ALKBH6: variants seen among roughly 807,000 people sequenced by gnomAD.
The protein encoded by ALKBH6 is probable RNA/DNA demethylase ALKBH6.
ALKBH6 carries 20 observed loss-of-function variants against 25.1 expected under a neutral mutation model. The observed-to-expected ratio is 0.80, with a 90% CI of 0.56 to 1.16. ALKBH6 has a LOEUF of 1.16. Ranked by LOEUF, ALKBH6 falls within the 50% of genes most tolerant of loss-of-function variation. The pLI, the probability that ALKBH6 is intolerant of heterozygous loss-of-function variation, is 0.00. For missense variants in ALKBH6, 263 were observed against 326.5 expected, an observed-to-expected ratio of 0.81 and a Z score of 1.50; for synonymous variants, 156 against 147.5, an observed-to-expected ratio of 1.06 and a Z score of -0.42.
intron 3 of ALKBH6, 187 bp downstream of exon 3, chr19:36,012,834 T>C (rs1968649494): frequency 1.6e-6 from 1 of 620,394 alleles, no homozygotes. Context: ...AGCCTATGTT[T>C]ATAACCCCCT....
chr19:36,012,095 G>A (rs1968626286), intron 3 of ALKBH6: 1 of 152,348 alleles, frequency 6.6e-6, no homozygotes, highest in Non-Finnish European at 1.5e-5. Flanking sequence ...AGGAGGCGGA[G>A]GCTACAGTGA....
chr19:36,013,926 A>C lies in ALKBH6; in HGVS notation c.-26+249T>G. 1 of 1,349,486 alleles carries C rather than the reference A, an allele frequency of 7.4e-7. No homozygotes were observed. Among genetic ancestry groups the C allele is most frequent in the East Asian group, 3.2e-5 (1 of 30,928 alleles). 83.6% of individuals were successfully genotyped at this position (1,349,486 alleles called of 1,614,324 possible). ...ACATGTCCACCCTCAGCCTCCTCGG[A>C]TCCCCCCATTTGGACGCCCCTCGGA... On this transcript the variant is annotated intron_variant, in intron 1 of 6. Coordinates refer to ENST00000378875, the MANE Select transcript of ALKBH6 (RefSeq NM_032878.5). This position sits in a 1 kb window ranked among gnomAD's most constrained non-coding sequence, Gnocchi z 4.6.
chr19:36,011,029 G>A lies in ALKBH6; in HGVS notation c.201C>T (p.Pro67=). Residue 67 remains proline, a synonymous_variant, in exon 5 of 7, where the codon CCC becomes CCT. Transcript: ENST00000378875. Reference sequence around the variant, plus strand: ...GCAGCCGCTCAGGAACCATCCCTCGGGGATGAGGAAGCCCACCTGGGGAAG... The same window carrying A: ...GCAGCCGCTCAGGAACCATCCCTCGAGGATGAGGAAGCCCACCTGGGGAAG... ...KLQNWGGLPH[P]RGMVPERLPP... is the part of the protein sequence containing the mutation. 6.2e-7 allele frequency: 1 copy of A among 1,609,640 alleles called. No individual in the cohort carries two copies. The highest frequency in any genetic ancestry group is 8.5e-7 in the Non-Finnish European group (1 of 1,177,982).
chr19:36,009,607 G>A, intron 6 of ALKBH6, 54 bp from the exon 7 acceptor site: 1 of 915,430 alleles, frequency 1.1e-6, no homozygotes, highest in Non-Finnish European at 1.4e-6. Flanking sequence ...GGTGGGGGTG[G>A]GCGAGAGGTC....
chr19:36,014,223 CT>C (rs759710185), upstream of ALKBH6: 1 of 1,612,910 alleles, frequency 6.2e-7, no homozygotes, highest in East Asian at 2.2e-5. Flanking sequence ...CCCCATCCCC[CT>C]CCCAGCCATT....
In ALKBH6 at chr19:36,011,031, G is replaced by A; in HGVS notation, c.199C>T (p.Pro67Ser). 3.1e-6 allele frequency: 5 copies of A among 1,608,954 alleles called. No homozygotes were observed. The highest frequency in any genetic ancestry group is 4.2e-6 in the Non-Finnish European group (5 of 1,177,602). Residue 67 changes from proline to serine, a missense_variant, in exon 5 of 7, where the codon CCC becomes TCC. Physicochemically the swap from Pro to Ser is moderately conservative, Grantham distance 74 (BLOSUM62 -1). Around this residue, in one of 3 missense-constraint regions of ALKBH6, gnomAD observed 112 missense variants for 153.0 expected, o/e 0.73. Coordinates refer to ENST00000378875, the MANE Select transcript of ALKBH6 (RefSeq NM_032878.5). Reference protein sequence around the residue: ...KLQNWGGLPHPRGMVPERLPP... With the variant: ...KLQNWGGLPHSRGMVPERLPP... ...AGCCGCTCAGGAACCATCCCTCGGG[G>A]ATGAGGAAGCCCACCTGGGGAAGGC...
Position 36,011,401 on chromosome 19 carries a change from T to A in ALKBH6, c.184+3A>T. On this transcript the variant is annotated splice_donor_region_variant and intron_variant, in intron 4 of 6. Coordinates refer to ENST00000378875, the MANE Select transcript of ALKBH6 (RefSeq NM_032878.5). ...ACTCCTGCCCCCAGCCAGGGATACT[T>A]ACCCCAGTTCTGTAACTTTCTCCCA... 3.1e-6 allele frequency: 5 copies of A among 1,612,792 alleles called. No individual in the cohort carries two copies. The highest frequency in any genetic ancestry group is 4.2e-6 in the Non-Finnish European group (5 of 1,179,864).
chr19:36,009,464 G>A lies in ALKBH6; in HGVS notation c.543C>T (p.Leu181=), dbSNP rs1052377599. The A allele has an allele frequency of 1.6e-6, 2 of 1,248,270 alleles. No homozygotes were observed. The highest frequency in any genetic ancestry group is 2.0e-6 in the Non-Finnish European group (2 of 998,324). 77.3% of individuals were successfully genotyped at this position (1,248,270 alleles called of 1,614,324 possible). The change falls in exon 7 of 7, where the codon CTC becomes CTT. Residue 181 remains leucine, a synonymous_variant. Transcript: ENST00000378875. ...VLRGPAYTRL[L]HGIAAARVDA... ...CTACGCGGGCGGCGGCGATGCCGTGGAGAAGACGCGTGTAGGCGGGGCCGC... is the reference window on the plus strand; with the variant it reads ...CTACGCGGGCGGCGGCGATGCCGTGAAGAAGACGCGTGTAGGCGGGGCCGC...
intron 6 of ALKBH6, 32 bp from the exon 7 acceptor site, chr19:36,009,585 A>C: frequency 2.4e-6 from 2 of 845,400 alleles, no homozygotes; most frequent in Non-Finnish European, 2.9e-6. Flanking sequence ...AGCAGGGCTC[A>C]AGAAGTCGGG....
chr19:36,014,061 C>T, intron 1 of ALKBH6, 114 bp downstream of exon 1: 1 of 1,547,236 alleles, frequency 6.5e-7, no homozygotes. Context: ...GACTCCGAGC[C>T]TTTTAGGACT....
At position 36,013,050 on chromosome 19, in the gene ALKBH6, T is replaced by C. The variant is rs765607944; in HGVS notation, c.94A>G (p.Lys32Glu). ...VIYYVPDFISKEEEEYLLRQV... is the reference protein window; with the variant it reads ...VIYYVPDFISEEEEEYLLRQV... ...CGAAGCAAATACTCCTCCTCTTCTT[T>C]GGAGATGAAGTCAGGGACATAGTAG... Residue 32 changes from lysine to glutamate, a missense_variant, in exon 3 of 7, where the codon AAA becomes GAA. Physicochemically the swap from Lys to Glu is moderately conservative, Grantham distance 56. This residue lies in a region of ALKBH6 where 112 missense variants were observed against 153.0 expected (regional missense o/e 0.73). Transcript: ENST00000378875. This position sits in a 1 kb window ranked among gnomAD's most constrained non-coding sequence, Gnocchi z 4.6. 3 of 1,614,022 alleles carry C rather than the reference T, an allele frequency of 1.9e-6. No homozygotes were observed. Among genetic ancestry groups the C allele is most frequent in the East Asian group, 4.5e-5 (2 of 44,876 alleles).
chr19:36,012,985 G>T, intron 3 of ALKBH6, 36 bp downstream of exon 3: 2 of 1,579,022 alleles, frequency 1.3e-6, no homozygotes, highest in Non-Finnish European at 1.7e-6. Flanking sequence ...AATATGGGAA[G>T]AGTGGGAAAA....
chr19:36,009,360 C>T lies in ALKBH6; in HGVS notation c.647G>A (p.Gly216Asp). Reference protein sequence around the residue: ...SARPGACLVRGTRVSLTIRRV... With the variant: ...SARPGACLVRDTRVSLTIRRV... ...GCGGATGGTCAGCGAGACCCGGGTG[C>T]CGCGCACCAGGCAGGCTCCCGGCCG... The change falls in exon 7 of 7, where the codon GGC becomes GAC. Residue 216 changes from glycine (G) to aspartate (D), a missense_variant. Around this residue, in one of 3 missense-constraint regions of ALKBH6, gnomAD observed 148 missense variants for 157.5 expected, o/e 0.94. Coordinates refer to ENST00000378875, the MANE Select transcript of ALKBH6 (RefSeq NM_032878.5). 2 of 1,297,912 alleles carry T rather than the reference C, an allele frequency of 1.5e-6. No individual in the cohort carries two copies. The highest frequency in any genetic ancestry group is 2.9e-4 in the Middle Eastern group (1 of 3,438). The allele number at this position is 1,297,912 out of a possible 1,614,324, so 80.4% of individuals were successfully genotyped here.
At position 36,010,026 on chromosome 19, in the gene ALKBH6, G is replaced by A. The variant is rs183076490; in HGVS notation, c.454-473C>T. ...ATTAGAGGACAACCGCACAGCTGAG[G>A]GAGTGTCAGAGCATCCAGGAGCATG... On this transcript the variant is annotated intron_variant, in intron 6 of 6. Coordinates refer to ENST00000378875, the MANE Select transcript of ALKBH6 (RefSeq NM_032878.5). The surrounding 1 kb of genome is among the most constrained non-coding windows in gnomAD (Gnocchi z 5.5). 2.4e-4 allele frequency among the ~76,000 whole-genome samples: 37 copies of A among 152,302 alleles called. No homozygotes were observed. Among genetic ancestry groups the A allele is most frequent in the Admixed American group, 2.4e-3 (37 of 15,302 alleles).
At chr19:36,014,061 C>A (rs1968708506) in intron 1 of ALKBH6, 114 bp downstream of exon 1, 2 of 1,547,236 alleles carry the variant, frequency 1.3e-6, no homozygotes, top group Non-Finnish European at 1.7e-6. Context: ...GACTCCGAGC[C>A]TTTTAGGACT....
In ALKBH6 at chr19:36,013,285, C is replaced by A; in HGVS notation, c.54+59G>T. 6.2e-7 allele frequency: 1 copy of A among 1,603,968 alleles called. No homozygotes were observed. Among genetic ancestry groups the A allele is most frequent in the East Asian group, 2.2e-5 (1 of 44,818 alleles). ...ATTTGGTGGAAGGGGGCAGTCCCAACCCAAGAACTCAGGAATCAGCCTGCC... is the reference window on the plus strand; with the variant it reads ...ATTTGGTGGAAGGGGGCAGTCCCAAACCAAGAACTCAGGAATCAGCCTGCC... On this transcript the variant is annotated intron_variant, in intron 2 of 6. Transcript: ENST00000378875. This position sits in a 1 kb window ranked among gnomAD's most constrained non-coding sequence, Gnocchi z 4.6.
Position 36,011,059 on chromosome 19 carries a change from T to G in ALKBH6, c.185-14A>C. The G allele has an allele frequency of 1.3e-6, 2 of 1,590,092 alleles. No individual in the cohort carries two copies. Among genetic ancestry groups the G allele is most frequent in the Non-Finnish European group, 1.7e-6 (2 of 1,167,736 alleles). ...GAGGAAGCCCACCTGGGGAAGGCAA[T>G]GGGGTCCTGAGGGCCCCCCTATAGC... On this transcript the variant is annotated splice_polypyrimidine_tract_variant and intron_variant, in intron 4 of 6. Transcript: ENST00000378875.
At position 36,009,488 on chromosome 19, in the gene ALKBH6, G is replaced by A; in HGVS notation, c.519C>T (p.Arg173=). ...LLEPRSLLVL[R]GPAYTRLLHG... The stretch of plus-strand genomic sequence containing the variant: ...GGAGAAGACGCGTGTAGGCGGGGCC[G>A]CGGAGCACCAGCAGGCTGCGCGGTT... Residue 173 remains arginine, a synonymous_variant, in exon 7 of 7, where the codon CGC becomes CGT. Transcript: ENST00000378875. 1.6e-6 allele frequency: 2 copies of A among 1,250,178 alleles called. No homozygotes were observed. The highest frequency in any genetic ancestry group is 2.5e-4 in the Middle Eastern group (1 of 4,076). 77.4% of individuals were successfully genotyped at this position (1,250,178 alleles called of 1,614,324 possible). A position where few individuals can be genotyped will look rare whatever the true frequency, so the allele number is the denominator to read the frequency against.
Position 36,009,320 on chromosome 19 carries a change from C to T in ALKBH6, c.687G>A (p.Val229=), listed in dbSNP as rs1968508996. Residue 229 remains valine (V), a synonymous_variant, in exon 7 of 7, where the codon GTG becomes GTA. Coordinates refer to ENST00000378875, the MANE Select transcript of ALKBH6 (RefSeq NM_032878.5). ...TGCCCAGCAGGAGGCCGGCGCGCAG[C>T]ACGCGGGGCACGCGGCGGATGGTCA... The part of the protein sequence containing the change: ...VSLTIRRVPR[V]LRAGLLLGK 1.5e-6 allele frequency: 2 copies of T among 1,356,682 alleles called. No homozygotes were observed. The highest frequency in any genetic ancestry group is 1.5e-5 in the African/African-American group (1 of 65,978). The allele number at this position is 1,356,682 out of a possible 1,614,324, so 84.0% of individuals were successfully genotyped here. A position where few individuals can be genotyped will look rare whatever the true frequency, so the allele number is the denominator to read the frequency against.
Sources: allele counts gnomAD v4.1 joint callset (sites outside exome capture counted in the v4.1 genomes callset), GRCh38; gene constraint gnomAD v4.1.1; regional missense constraint gnomAD v4.1.1; non-coding constraint Gnocchi (gnomAD v3.1); transcripts MANE v1.5; gene names NCBI Gene and HGNC (gene_info 2026-07-23, HGNC 2026-07-21).